Variants in GMPS observed in about 807,000 individuals in gnomAD.
GMPS encodes GMP synthase [glutamine-hydrolyzing].
A neutral mutation model predicts 77.9 loss-of-function variants in GMPS; 15 were observed. The ratio of observed to expected loss-of-function variants is 0.19; its 90% CI spans 0.13 to 0.30. The LOEUF is 0.30. GMPS is among the 10% of genes least tolerant of loss of function. The pLI is 1.00. For synonymous variants in GMPS, 224 were observed against 275.9 expected (o/e 0.81, Z 1.86); for missense variants, 590 against 838.8 (o/e 0.70, Z 3.66).
chr3:155,893,750 ATATTT>A, intron 2 of GMPS, 51 bp downstream of exon 2: 1 of 957,756 alleles, frequency 1.0e-6, no homozygotes, highest in East Asian at 2.9e-5. Context: ...AGATTGTGGA[ATATTT>A]TATTATTAAT....
intron 7 of GMPS, among the ~76,000 whole-genome samples, chr3:155,912,056 C>T (rs1755053508): frequency 6.6e-6 from 1 of 151,762 alleles, no homozygotes; most frequent in Non-Finnish European, 1.5e-5. Flanking sequence ...ACCTTTTATA[C>T]TTTTTAAAAA....
chr3:155,915,722 G>C (rs1474361043), intron 8 of GMPS, among the ~76,000 whole-genome samples: 1 of 151,092 alleles, frequency 6.6e-6, no homozygotes, highest in Non-Finnish European at 1.5e-5. Flanking sequence ...ATTTAGTAGA[G>C]ATGGTGTTTC....
chr3:155,932,891 T>A (rs996669914), intron 13 of GMPS, among the ~76,000 whole-genome samples: 1 of 152,156 alleles, frequency 6.6e-6, no homozygotes, highest in African/African-American at 2.4e-5. Flanking sequence ...ATAGAATTAT[T>A]ACTATCTTCA....
chr3:155,878,010 G>C (rs1456397067), intron 1 of GMPS, among the ~76,000 whole-genome samples: 1 of 152,080 alleles, frequency 6.6e-6, no homozygotes, highest in Admixed American at 6.5e-5. Flanking sequence ...CTGACCTCAG[G>C]TGATCCGCCT....
intron 4 of GMPS, among the ~76,000 whole-genome samples, chr3:155,905,621 G>A (rs932424330): frequency 6.6e-6 from 1 of 152,062 alleles, no homozygotes; most frequent in Admixed American, 6.5e-5. Flanking sequence ...AAAGATTATA[G>A]GGTTTTTACC....
rs142580739 is a variant in GMPS at position 155,903,389 on chromosome 3, C to A, written c.325-474C>A. On this transcript the variant is annotated intron_variant, in intron 3 of 15. Transcript: ENST00000496455. The stretch of plus-strand genomic sequence containing the variant: ...TATCCCATCTCTATAGCACAGCCTT[C>A]GGCAGGCTTTCAGACTGTTCCTTTG... Among the ~76,000 whole-genome samples, 21 of 152,336 alleles carry A rather than the reference C, an allele frequency of 1.4e-4. No homozygotes were observed. The East Asian group carries it at 3.9e-3, about 28-fold the overall frequency.
intron 5 of GMPS, among the ~76,000 whole-genome samples, chr3:155,907,674 C>T (rs1351850387): frequency 6.6e-6 from 1 of 152,086 alleles, no homozygotes; most frequent in East Asian, 1.9e-4. Flanking sequence ...TAAAGAAATA[C>T]AGAATATGTC....
intron 9 of GMPS, among the ~76,000 whole-genome samples, chr3:155,918,886 C>G (rs1483425224): frequency 6.6e-6 from 1 of 152,104 alleles, no homozygotes; most frequent in East Asian, 1.9e-4. Context: ...TTCATTTTCT[C>G]AATGATAACA....
chr3:155,936,231 T>C, intron 14 of GMPS, 107 bp from the exon 15 acceptor site: 1 of 702,830 alleles, frequency 1.4e-6, no homozygotes, highest in Non-Finnish European at 2.6e-6. Context: ...TTAACTACGC[T>C]GTGTGTGTAT....
Position 155,925,346 on chromosome 3 carries a change from A to G in GMPS, c.1540A>G (p.Ile514Val), listed in dbSNP as rs761594481. Reference protein sequence around the residue: ...LHSLNAFLLPIKTVGVQGDCR... With the variant: ...LHSLNAFLLPVKTVGVQGDCR... ...TTCACTGAATGCCTTCTTGCTGCCA[A>G]TTAAAACTGTAGGTGTGCAGGTGAG... The change falls in exon 12 of 16, where the codon ATT becomes GTT. Residue 514 changes from isoleucine (I) to valine (V), a missense_variant. Around this residue, in one of 6 missense-constraint regions of GMPS, gnomAD observed 89 missense variants for 95.9 expected, o/e 0.93. Coordinates refer to ENST00000496455, the MANE Select transcript of GMPS (RefSeq NM_003875.3). 8 of 1,611,160 alleles carry G rather than the reference A, an allele frequency of 5.0e-6. No homozygotes were observed. Among genetic ancestry groups the G allele is most frequent in the South Asian group, 3.3e-5 (3 of 90,818 alleles).
At chr3:155,932,962 C>T (rs918192628) in intron 13 of GMPS, among the ~76,000 whole-genome samples, 29 of 152,244 alleles carry the variant, frequency 1.9e-4, no homozygotes, top group African/African-American at 4.6e-4. Flanking sequence ...GAGGCCAAGG[C>T]GAGTGGATCA....
At chr3:155,884,578 G>A (rs139843614) in intron 1 of GMPS, among the ~76,000 whole-genome samples, 54 of 152,172 alleles carry the variant, frequency 3.5e-4, no homozygotes, top group African/African-American at 1.2e-3. Context: ...GAAAATTGGC[G>A]TTGTTTTCAA....
Position 155,922,209 on chromosome 3 carries a change from AAT to A in GMPS, c.1344_1345del (p.Ile448MetfsTer3). 6.5e-7 allele frequency: 1 copy of A among 1,540,178 alleles called. No homozygotes were observed. The highest frequency in any genetic ancestry group is 8.8e-7 in the Non-Finnish European group (1 of 1,134,284). ...FPGPGLAIRV[I>X]CAEEPYICKD... ...TAGGTCCTGGCCTGGCAATCAGAGT[AAT>A]ATGTGCTGAAGAACCTTATATTTGT... is the stretch of plus-strand genomic sequence containing the variant. On this transcript the variant is annotated frameshift_variant, in exon 11 of 16. Transcript: ENST00000496455. LOFTEE classifies it high-confidence loss of function.
chr3:155,871,597 CTCAGAGAG>C (rs1753908098), intron 1 of GMPS, among the ~76,000 whole-genome samples: 1 of 152,252 alleles, frequency 6.6e-6, no homozygotes, highest in East Asian at 1.9e-4. Context: ...CCGCTTCCTT[CTCAGAGAG>C]GAAAGGGTGT....
chr3:155,904,255 C>G (rs1483175889), intron 4 of GMPS, among the ~76,000 whole-genome samples: 1 of 151,700 alleles, frequency 6.6e-6, no homozygotes, highest in Non-Finnish European at 1.5e-5. Context: ...TCCCTTTTCA[C>G]TCTTTGATCT....
chr3:155,880,662 C>T (rs900809945), intron 1 of GMPS, among the ~76,000 whole-genome samples: 20 of 152,128 alleles, frequency 1.3e-4, no homozygotes, highest in Non-Finnish European at 2.1e-4. Flanking sequence ...CAGAAGCACT[C>T]TGGATTTAAC....
chr3:155,870,681 G>A lies in GMPS; in HGVS notation c.-190G>A. On this transcript the variant is annotated 5_prime_UTR_variant, in exon 1 of 16. Coordinates refer to ENST00000496455, the MANE Select transcript of GMPS (RefSeq NM_003875.3). ...CGCGCTGCTGGTCTTCTCTCCCGCG[G>A]CGCTGGGGCCCGCGCTCCGCTGCTG... 1 of 510,692 alleles carries A rather than the reference G, an allele frequency of 2.0e-6. No individual in the cohort carries two copies. Among genetic ancestry groups the A allele is most frequent in the Non-Finnish European group, 3.5e-6 (1 of 287,798 alleles). 31.6% of individuals were successfully genotyped at this position (510,692 alleles called of 1,614,324 possible).
chr3:155,876,022 A>G (rs749126740), intron 1 of GMPS, among the ~76,000 whole-genome samples: 2 of 152,258 alleles, frequency 1.3e-5, no homozygotes, highest in Non-Finnish European at 2.9e-5. Context: ...AAAATATTAC[A>G]TACAAAAAAA....
At chr3:155,905,147 A>G (rs183993394) in intron 4 of GMPS, among the ~76,000 whole-genome samples, 1 of 152,046 alleles carries the variant, frequency 6.6e-6, no homozygotes, top group East Asian at 1.9e-4. Context: ...TCAGTCTCCC[A>G]AGTAAGTGGG....
Sources: gnomAD v4.1 joint callset for allele counts (sites outside exome capture counted in the v4.1 genomes callset) on GRCh38, gnomAD v4.1.1 for gene constraint, gnomAD v4.1.1 regional missense constraint, MANE v1.5 for transcripts, NCBI Gene and HGNC (gene_info 2026-07-23, HGNC 2026-07-21) for gene names.